The following USP34 variants were observed in gnomAD, a reference collection of about 807,000 sequenced individuals.
USP34 encodes the protein ubiquitin carboxyl-terminal hydrolase 34.
USP34 carries 70 observed loss-of-function variants against 460.3 expected under a neutral mutation model. That is an observed-to-expected ratio of 0.15 (90% CI 0.13 to 0.19). The LOEUF (loss-of-function observed/expected upper bound fraction) is 0.19. USP34 is among the 10% of genes least tolerant of loss of function. The pLI, the probability that USP34 is intolerant of heterozygous loss-of-function variation, is 1.00. For synonymous variants in USP34, 1,647 were observed against 1,405.3 expected (o/e 1.17, Z -3.85); for missense variants, 3,985 against 4,236.2 (o/e 0.94, Z 1.65).
chr2:61,415,395 T>G (rs1179478229), intron 2 of USP34, among the ~76,000 whole-genome samples: 2 of 152,082 alleles, frequency 1.3e-5, no homozygotes, highest in African/African-American at 2.4e-5. Context: ...AGATATAAAA[T>G]GAACTAGAGA....
chr2:61,422,425 A>C (rs993379931), intron 1 of USP34, among the ~76,000 whole-genome samples: 1 of 152,158 alleles, frequency 6.6e-6, no homozygotes, highest in African/African-American at 2.4e-5. Context: ...TAACCAACAA[A>C]AACTTTCCAA....
At chr2:61,384,413 T>C (rs1242152180) in intron 5 of USP34, among the ~76,000 whole-genome samples, 1 of 152,104 alleles carries the variant, frequency 6.6e-6, no homozygotes, top group Non-Finnish European at 1.5e-5. Context: ...CTCATGCCTA[T>C]AATCCCAGCA....
At chr2:61,266,756 G>A (rs904815543) in intron 41 of USP34, among the ~76,000 whole-genome samples, 3 of 152,062 alleles carry the variant, frequency 2.0e-5, no homozygotes, top group African/African-American at 4.8e-5. Flanking sequence ...AAAACCTCCT[G>A]GAGTACTGTG....
intron 58 of USP34, among the ~76,000 whole-genome samples, chr2:61,230,983 T>C (rs1390626642): frequency 2.0e-5 from 3 of 151,974 alleles, no homozygotes; most frequent in Non-Finnish European, 4.4e-5. Context: ...AGCCAAAAAG[T>C]AGAAACATCT....
intron 76 of USP34, chr2:61,191,204 CACAG>C (rs1558457318): frequency 6.6e-6 from 1 of 152,444 alleles, no homozygotes; most frequent in Admixed American, 6.5e-5. Context: ...AATTATCTCA[CACAG>C]AATCAGTGGT....
intron 48 of USP34, among the ~76,000 whole-genome samples, chr2:61,252,907 AAACAC>A (rs1307501251): frequency 2.6e-5 from 4 of 152,214 alleles, no homozygotes; most frequent in African/African-American, 4.8e-5. Context: ...AAACAAAACA[AAACAC>A]ATCACTAAAC....
At chr2:61,462,773 A>G (rs954170371) in intron 1 of USP34, among the ~76,000 whole-genome samples, 7 of 151,266 alleles carry the variant, frequency 4.6e-5, no homozygotes, top group African/African-American at 1.7e-4. Context: ...AGGCACAAGA[A>G]CTGCTTGAGC....
At chr2:61,452,550 C>T (rs1695315313) in intron 1 of USP34, among the ~76,000 whole-genome samples, 1 of 151,796 alleles carries the variant, frequency 6.6e-6, no homozygotes. Flanking sequence ...GTCTCCTGAC[C>T]TCAGGTGGTG....
chr2:61,236,121 A>G (rs757132544), intron 55 of USP34, 40 bp downstream of exon 55: 1 of 1,593,370 alleles, frequency 6.3e-7, no homozygotes, highest in Admixed American at 1.9e-5. Context: ...TTAAAGTAGT[A>G]AATTTTGACA....
Position 61,282,804 on chromosome 2 carries a change from G to GA in USP34, c.4998+340dup, listed in dbSNP as rs545250764. Among the ~76,000 whole-genome samples, 1,205 of 138,062 alleles carry GA rather than the reference G, an allele frequency of 8.7e-3. 12 individuals carry two copies. Among genetic ancestry groups the GA allele is most frequent in the Middle Eastern group, 0.026 (7 of 274 alleles). 90.6% of individuals were successfully genotyped at this position (138,062 alleles called of 152,430 possible). Reference sequence around the variant, plus strand: ...ACAGGGAGATTCTGTCTCAAAGAAAGAAAAAAAAAAGGCCACAGAACTTTT... The same window carrying GA: ...ACAGGGAGATTCTGTCTCAAAGAAAGAAAAAAAAAAAGGCCACAGAACTTTT... On this transcript the variant is annotated intron_variant, in intron 37 of 79. Transcript: ENST00000398571.
intron 57 of USP34, among the ~76,000 whole-genome samples, chr2:61,235,631 G>T (rs1262521123): frequency 6.6e-6 from 1 of 151,990 alleles, no homozygotes; most frequent in Admixed American, 6.6e-5. Context: ...GCCAAAACAT[G>T]AATTTTTAAG....
intron 20 of USP34, among the ~76,000 whole-genome samples, chr2:61,326,007 G>C (rs1375525126): frequency 2.0e-5 from 3 of 152,086 alleles, no homozygotes; most frequent in Non-Finnish European, 4.4e-5. Context: ...AGTTGCTTTT[G>C]AAACTTTTAA....
intron 2 of USP34, 58 bp downstream of exon 2, chr2:61,420,688 T>C (rs1694329266): frequency 7.5e-7 from 1 of 1,329,148 alleles, no homozygotes; most frequent in Non-Finnish European, 1.0e-6. Context: ...ACAATAAAAA[T>C]CGCAACTTAT....
intron 76 of USP34, among the ~76,000 whole-genome samples, chr2:61,191,599 T>C (rs986217818): frequency 3.9e-5 from 6 of 152,210 alleles, no homozygotes; most frequent in Non-Finnish European, 8.8e-5. Context: ...GCTGCTTCTA[T>C]AGCACTGGAA....
intron 19 of USP34, among the ~76,000 whole-genome samples, chr2:61,333,070 G>T (rs896037440): frequency 1.3e-5 from 2 of 151,902 alleles, no homozygotes; most frequent in Non-Finnish European, 2.9e-5. Context: ...AAATGTCTCC[G>T]AAATCTCTCC....
intron 18 of USP34, among the ~76,000 whole-genome samples, chr2:61,336,869 G>A (rs1441484852): frequency 1.3e-5 from 2 of 148,516 alleles, no homozygotes; most frequent in Admixed American, 6.7e-5. Flanking sequence ...AAAAATAACT[G>A]CATTGTAGAG....
chr2:61,331,499 C>A (rs1355530056), intron 19 of USP34, 128 bp from the exon 20 acceptor site: 10 of 616,242 alleles, frequency 1.6e-5, no homozygotes, highest in Non-Finnish European at 2.5e-5. Context: ...GAAAAATATA[C>A]ACGTTTTATT....
intron 51 of USP34, among the ~76,000 whole-genome samples, chr2:61,243,937 A>C (rs1267321634): frequency 6.6e-6 from 1 of 151,724 alleles, no homozygotes; most frequent in Non-Finnish European, 1.5e-5. Context: ...TGGCTTTAGC[A>C]GTAACTCAAT....
intron 62 of USP34, among the ~76,000 whole-genome samples, chr2:61,226,569 T>C (rs1380691588): frequency 1.3e-5 from 2 of 152,216 alleles, no homozygotes; most frequent in African/African-American, 2.4e-5. Flanking sequence ...TTCTCTGTGG[T>C]AGTACAGATA....
Sources: allele counts gnomAD v4.1 joint callset (sites outside exome capture counted in the v4.1 genomes callset), GRCh38; gene constraint gnomAD v4.1.1; transcripts MANE v1.5; gene names NCBI Gene and HGNC (gene_info 2026-07-23, HGNC 2026-07-21).